BABAM2: variants seen among roughly 807,000 people sequenced by gnomAD.
BABAM2 encodes the protein BRISC and BRCA1 A complex member 2.
BABAM2 carries 31 observed loss-of-function variants against 54.7 expected under a neutral mutation model. The ratio of observed to expected loss-of-function variants is 0.57; its 90% CI spans 0.43 to 0.77. The LOEUF is 0.77. BABAM2 is among the 30% of genes least tolerant of loss of function. The pLI, the probability that BABAM2 is intolerant of heterozygous loss-of-function variation, is 0.00. For synonymous variants in BABAM2, 167 were observed against 162.9 expected (o/e 1.03, Z -0.19); for missense variants, 364 against 455.8 (o/e 0.80, Z 1.83).
intron 7 of BABAM2, chr2:28,134,334 G>A (rs1469322596): frequency 6.6e-6 from 1 of 152,096 alleles, no homozygotes; most frequent in Non-Finnish European, 1.5e-5. Flanking sequence ...TGAGTTTTAA[G>A]GTTACATCAT....
intron 4 of BABAM2, chr2:28,013,420 A>T: frequency 2.2e-6 from 1 of 455,634 alleles, no homozygotes. Flanking sequence ...TTCAGACTTA[A>T]AATTTCCTAT....
intron 7 of BABAM2, among the ~76,000 whole-genome samples, chr2:28,190,698 G>T (rs546477014): frequency 1.3e-5 from 2 of 152,010 alleles, no homozygotes; most frequent in Non-Finnish European, 2.9e-5. Flanking sequence ...AAAAACAAGG[G>T]GGGGGCGGTG....
intron 5 of BABAM2, among the ~76,000 whole-genome samples, chr2:28,026,866 A>ATATATATT (rs1675790152): frequency 2.8e-5 from 2 of 71,680 alleles, no homozygotes; most frequent in Admixed American, 2.1e-4. Context: ...ATATATAGAT[A>ATATATATT]TATATATTTA....
rs374830540 is a variant in BABAM2, at chr2:28,210,496, A to G, written c.681-26706A>G. 1.2e-4 allele frequency among the ~76,000 whole-genome samples: 18 copies of G among 152,208 alleles called. No individual in the cohort carries two copies. In the East Asian group the frequency reaches 1.9e-3, roughly 16 times the overall value. On this transcript the variant is annotated intron_variant, in intron 7 of 11. Transcript: ENST00000379624. The stretch of plus-strand genomic sequence containing the variant: ...TGAGCTAAGTATTAAAGAAGGCCTT[A>G]GAGTCTTTCATTTGGCAAAGGTGGT...
chr2:27,951,386 A>G (rs1003864091), intron 3 of BABAM2, among the ~76,000 whole-genome samples: 1 of 151,686 alleles, frequency 6.6e-6, no homozygotes, highest in African/African-American at 2.4e-5. Context: ...ATTTTTTTTG[A>G]CCTATGAGTT....
At chr2:28,273,166 A>G (rs1049716230) in intron 10 of BABAM2, among the ~76,000 whole-genome samples, 1 of 152,180 alleles carries the variant, frequency 6.6e-6, no homozygotes, top group Non-Finnish European at 1.5e-5. Flanking sequence ...ACCAGTTTCT[A>G]TGAACTGAGG....
chr2:28,159,011 A>G (rs1481600536), intron 7 of BABAM2, among the ~76,000 whole-genome samples: 2 of 152,236 alleles, frequency 1.3e-5, no homozygotes, highest in South Asian at 2.1e-4. Flanking sequence ...AACATCATCA[A>G]CAAGTTCTCT....
intron 6 of BABAM2, among the ~76,000 whole-genome samples, chr2:28,064,307 C>G (rs1234325320): frequency 1.3e-5 from 2 of 152,158 alleles, no homozygotes; most frequent in Non-Finnish European, 2.9e-5. Context: ...GTGGAGTAAT[C>G]TAATCTTGTT....
chr2:28,311,260 CAAA>C (rs11309935), intron 11 of BABAM2, among the ~76,000 whole-genome samples: 42 of 110,446 alleles, frequency 3.8e-4, no homozygotes, highest in Non-Finnish European at 3.8e-4. Flanking sequence ...GACCCTGTCT[CAAA>C]AAAAAAAAAA....
intron 6 of BABAM2, among the ~76,000 whole-genome samples, chr2:28,111,505 A>G (rs1027119360): frequency 6.6e-6 from 1 of 152,170 alleles, no homozygotes; most frequent in Non-Finnish European, 1.5e-5. Flanking sequence ...TTCATGAAGT[A>G]CAATTTGTCT....
chr2:27,939,242 C>T (rs13400398), intron 3 of BABAM2, among the ~76,000 whole-genome samples: 97,864 of 152,080 alleles, frequency 0.64, 33,480 homozygotes, highest in Middle Eastern at 0.81. Context: ...TGAGCCACCG[C>T]GCTTGGCCAG....
chr2:28,305,089 C>T (rs1355584542), intron 11 of BABAM2, among the ~76,000 whole-genome samples: 1 of 152,198 alleles, frequency 6.6e-6, no homozygotes, highest in Admixed American at 6.5e-5. Flanking sequence ...AATAGGACCT[C>T]CAGTACAATT....
chr2:28,231,785 CTTTTT>C (rs549515372), intron 7 of BABAM2, among the ~76,000 whole-genome samples: 43 of 57,630 alleles, frequency 7.5e-4, no homozygotes, highest in Non-Finnish European at 1.1e-3. Flanking sequence ...AGAGAGATGT[CTTTTT>C]TTTTTTTTTT....
intron 6 of BABAM2, among the ~76,000 whole-genome samples, chr2:28,106,546 C>T (rs915190999): frequency 2.6e-5 from 4 of 152,178 alleles, no homozygotes; most frequent in Non-Finnish European, 5.9e-5. Context: ...TTGGATTTGT[C>T]TGATGTTCAC....
At chr2:28,047,445 G>T (rs1677668930) in intron 6 of BABAM2, among the ~76,000 whole-genome samples, 1 of 152,194 alleles carries the variant, frequency 6.6e-6, no homozygotes, top group East Asian at 1.9e-4. Context: ...CAGTTACAGT[G>T]CTTTGTTTTA....
At chr2:28,010,386 G>C (rs1185348422) in intron 4 of BABAM2, among the ~76,000 whole-genome samples, 1 of 151,936 alleles carries the variant, frequency 6.6e-6, no homozygotes, top group East Asian at 1.9e-4. Flanking sequence ...AGTAAAAATA[G>C]ATTAATCCTC....
intron 11 of BABAM2, chr2:28,307,867 A>G (rs1688698276): frequency 1.3e-5 from 2 of 152,194 alleles, no homozygotes; most frequent in Non-Finnish European, 2.9e-5. Context: ...GAGTGACCAT[A>G]TCCAGCCTAT....
chr2:27,981,981 A>G (rs566248643), intron 3 of BABAM2, among the ~76,000 whole-genome samples: 87 of 152,292 alleles, frequency 5.7e-4, no homozygotes, highest in African/African-American at 2.1e-3. Context: ...CCAGCAGTGT[A>G]TAAGTGTTCC....
chr2:27,916,636 A>G (rs1666992222), intron 2 of BABAM2, among the ~76,000 whole-genome samples: 1 of 152,110 alleles, frequency 6.6e-6, no homozygotes, highest in Non-Finnish European at 1.5e-5. Context: ...TTCTTCTTAG[A>G]GTTTTCAGTC....
Sources: allele counts gnomAD v4.1 joint callset (sites outside exome capture counted in the v4.1 genomes callset), GRCh38; gene constraint gnomAD v4.1.1; transcripts MANE v1.5; gene names NCBI Gene and HGNC (gene_info 2026-07-23, HGNC 2026-07-21).